LRGUK: variants seen among roughly 807,000 people sequenced by gnomAD.
LRGUK encodes the protein leucine rich repeats and guanylate kinase domain containing.
A neutral mutation model predicts 76.0 loss-of-function variants in LRGUK; 65 were observed. The observed-to-expected ratio is 0.85, with a 90% confidence interval of 0.70 to 1.05. The LOEUF (loss-of-function observed/expected upper bound fraction) is 1.05, where lower values mean the gene tolerates loss of function less well. Among genes scored for constraint, LRGUK ranks in the 50% least tolerant of loss-of-function variants. The pLI is 0.00. For synonymous variants in LRGUK, 268 were observed against 265.6 expected, an observed-to-expected ratio of 1.01 and a Z score of -0.09; for missense variants, 758 against 732.8, an observed-to-expected ratio of 1.03 and a Z score of -0.40.
intron 1 of LRGUK, among the ~76,000 whole-genome samples, chr7:134,131,837 C>G (rs1249482003): frequency 6.6e-6 from 1 of 151,964 alleles, no homozygotes; most frequent in African/African-American, 2.4e-5. Context: ...GGGGAGAGAT[C>G]TCAGAGTAGG....
intron 16 of LRGUK, among the ~76,000 whole-genome samples, chr7:134,223,531 G>A (rs1055268004): frequency 1.3e-5 from 2 of 152,154 alleles, no homozygotes; most frequent in African/African-American, 4.8e-5. Context: ...AATGAAATCT[G>A]GAATTGTTCC....
chr7:134,134,726 A>G (rs754957698), intron 1 of LRGUK, among the ~76,000 whole-genome samples: 43 of 152,330 alleles, frequency 2.8e-4, no homozygotes, highest in Admixed American at 4.6e-4. Flanking sequence ...ATTCCTTCCC[A>G]GGCCTTGTAT....
At chr7:134,238,850 A>C (rs543144574) in intron 16 of LRGUK, among the ~76,000 whole-genome samples, 1 of 152,384 alleles carries the variant, frequency 6.6e-6, no homozygotes, top group South Asian at 2.1e-4. Flanking sequence ...CAATCCCTTC[A>C]AATAGTATCA....
At chr7:134,134,061 A>G (rs1797426618) in intron 1 of LRGUK, among the ~76,000 whole-genome samples, 1 of 91,958 alleles carries the variant, frequency 1.1e-5, no homozygotes, top group Non-Finnish European at 3.1e-5. Context: ...GACCATGCCT[A>G]AAAAAAAAAG....
chr7:134,210,166 C>T (rs1801191060), exon 16 of LRGUK: 2 of 399,408 alleles, frequency 5.0e-6, no homozygotes, highest in Non-Finnish European at 8.8e-6. Flanking sequence ...ACCAGCCAGC[C>T]TTGCAGCTAG....
Position 134,176,973 on chromosome 7 carries a change from A to G in LRGUK, c.1021-4A>G, listed in dbSNP as rs767882108. 33 of 1,564,474 alleles carry G rather than the reference A, an allele frequency of 2.1e-5. No homozygotes were observed. The highest frequency in any genetic ancestry group is 1.5e-4 in the Admixed American group (9 of 58,578). ...CTGAACAGTCCTCTTGATATTTTAA[A>G]TAGGAAAAGTCTGAATATTGGTTCT... On this transcript the variant is annotated splice_polypyrimidine_tract_variant and splice_region_variant and intron_variant, in intron 8 of 15. Coordinates refer to ENST00000645682, the Ensembl canonical transcript of LRGUK.
chr7:134,213,027 G>T (rs990781986), downstream of LRGUK, among the ~76,000 whole-genome samples: 2 of 152,172 alleles, frequency 1.3e-5, no homozygotes, highest in African/African-American at 4.8e-5. Flanking sequence ...TAGTCATCGC[G>T]GTTGCAGAAT....
intron 7 of LRGUK, among the ~76,000 whole-genome samples, chr7:134,167,504 C>A (rs1324712009): frequency 6.6e-6 from 1 of 152,108 alleles, no homozygotes; most frequent in East Asian, 1.9e-4. Flanking sequence ...GAGTAGAGTG[C>A]CGGCCGTTGA....
At chr7:134,222,659 A>G (rs1444335566) in intron 16 of LRGUK, among the ~76,000 whole-genome samples, 1 of 150,414 alleles carries the variant, frequency 6.6e-6, no homozygotes, top group Admixed American at 6.6e-5. Flanking sequence ...GCCAGGCTGG[A>G]GTGCAATGGT....
At chr7:134,156,109 T>C (rs1798443905) in intron 5 of LRGUK, among the ~76,000 whole-genome samples, 1 of 152,206 alleles carries the variant, frequency 6.6e-6, no homozygotes, top group Admixed American at 6.5e-5. Context: ...TTCAAAACCT[T>C]TTACTTTAAA....
intron 18 of LRGUK, among the ~76,000 whole-genome samples, chr7:134,253,868 T>C (rs756414076): frequency 6.6e-6 from 1 of 152,298 alleles, no homozygotes; most frequent in East Asian, 1.9e-4. Context: ...AAAATGTTAA[T>C]GATAAATTTT....
chr7:134,141,972 A>G (rs1169645898), intron 3 of LRGUK, among the ~76,000 whole-genome samples: 2 of 152,178 alleles, frequency 1.3e-5, no homozygotes, highest in African/African-American at 4.8e-5. Context: ...GTGACTATTG[A>G]GAAGGGAAGA....
chr7:134,179,581 C>A (rs934730368), intron 10 of LRGUK, among the ~76,000 whole-genome samples: 1 of 152,182 alleles, frequency 6.6e-6, no homozygotes, highest in Non-Finnish European at 1.5e-5. Flanking sequence ...TGGAAAAGCA[C>A]ATTTGATTCA....
At position 134,223,090 on chromosome 7, in the gene LRGUK, G is replaced by A. The variant is rs926074840; in HGVS notation, c.1983+1172G>A. On this transcript the variant is annotated intron_variant, in intron 16 of 19. Coordinates refer to the LRGUK transcript ENST00000285928. Reference sequence around the variant, plus strand: ...TAGTTGTTGGGTGTTCTAGGTGCAAGAAACAGTATCTCCCTGCTTCTATTT... The same window carrying A: ...TAGTTGTTGGGTGTTCTAGGTGCAAAAAACAGTATCTCCCTGCTTCTATTT... 2.0e-5 allele frequency among the ~76,000 whole-genome samples: 3 copies of A among 152,178 alleles called. No individual in the cohort carries two copies. The South Asian group carries it at 6.2e-4, about 32-fold the overall frequency.
Position 134,127,753 on chromosome 7 carries a change from C to T in LRGUK, c.297+89C>T. On this transcript the variant is annotated intron_variant, in intron 1 of 15. Transcript: ENST00000645682. ...AGCTCCCCGATGCACCCCCACCAGC[C>T]CGAAGCTTCCCACACCTTCTCAGGC... 2.1e-6 allele frequency: 3 copies of T among 1,420,210 alleles called. No homozygotes were observed. The South Asian group carries it at 4.3e-5, about 20-fold the overall frequency. The allele number at this position is 1,420,210 out of a possible 1,614,324, so 88.0% of individuals were successfully genotyped here.
chr7:134,238,839 A>G (rs1396834132), intron 16 of LRGUK, among the ~76,000 whole-genome samples: 1 of 152,222 alleles, frequency 6.6e-6, no homozygotes, highest in Non-Finnish European at 1.5e-5. Flanking sequence ...AGAAGGGAGC[A>G]CAATCCCTTC....
chr7:134,229,501 A>G (rs777253247), intron 16 of LRGUK, among the ~76,000 whole-genome samples: 109 of 152,326 alleles, frequency 7.2e-4, no homozygotes, highest in Admixed American at 1.2e-3. Flanking sequence ...AATGTAAAAC[A>G]TATTTTCTAG....
chr7:134,146,063 A>C (rs1797956490), intron 4 of LRGUK, among the ~76,000 whole-genome samples: 1 of 152,102 alleles, frequency 6.6e-6, no homozygotes, highest in Admixed American at 6.6e-5. Flanking sequence ...ACTTGAGGTC[A>C]GGGGTTCAAG....
chr7:134,156,767 G>T (rs972730217), intron 5 of LRGUK, among the ~76,000 whole-genome samples: 2 of 152,316 alleles, frequency 1.3e-5, no homozygotes, highest in South Asian at 4.1e-4. Context: ...ACAGTGTGTA[G>T]AGTGACTTTA....
Sources: allele counts gnomAD v4.1 joint callset (sites outside exome capture counted in the v4.1 genomes callset), GRCh38; gene constraint gnomAD v4.1.1; transcripts MANE v1.5; gene names NCBI Gene and HGNC (gene_info 2026-07-23, HGNC 2026-07-21).